The following CERS6 variants were observed in gnomAD, a reference collection of about 807,000 sequenced individuals.
CERS6 encodes ceramide synthase 6.
Under a neutral mutation model 56.8 loss-of-function variants are expected in CERS6, and 26 were observed. The observed-to-expected ratio is 0.46, with a 90% CI of 0.34 to 0.63. The LOEUF is 0.63. CERS6 is among the 30% of genes least tolerant of loss of function. The pLI, the probability that CERS6 is intolerant of heterozygous loss-of-function variation, is 0.01. For synonymous variants in CERS6, 164 were observed against 173.3 expected (o/e 0.95, Z 0.42); for missense variants, 415 against 467.5 (o/e 0.89, Z 1.04).
rs532386648 is a variant in CERS6 at position 168,603,425 on chromosome 2, T to C, written c.408-27560T>C. Among the ~76,000 whole-genome samples, 24 of 152,280 alleles carry C rather than the reference T, an allele frequency of 1.6e-4. 1 individual carries two copies. In the South Asian group the frequency reaches 4.8e-3, roughly 30 times the overall value. On this transcript the variant is annotated intron_variant, in intron 3 of 9. Coordinates refer to ENST00000305747, the MANE Select transcript of CERS6 (RefSeq NM_203463.3). ...ACTACAGAGAATGACTATCAATAGG[T>C]ATGTAGGTAGATGAACATCTGGGCA...
chr2:168,458,797 T>G (rs76919274), intron 1 of CERS6, among the ~76,000 whole-genome samples: 1 of 152,246 alleles, frequency 6.6e-6, no homozygotes, highest in African/African-American at 2.4e-5. Context: ...AGCTCTGTCT[T>G]TAACCATTCA....
intron 3 of CERS6, among the ~76,000 whole-genome samples, chr2:168,614,495 C>G (rs549424503): frequency 1.3e-5 from 2 of 152,288 alleles, no homozygotes; most frequent in African/African-American, 4.8e-5. Flanking sequence ...CCCTGCTTGC[C>G]CACTGCCTGG....
At chr2:168,734,613 C>A (rs921411139) in intron 8 of CERS6, among the ~76,000 whole-genome samples, 1 of 152,178 alleles carries the variant, frequency 6.6e-6, no homozygotes, top group African/African-American at 2.4e-5. Flanking sequence ...TATCAGTAGT[C>A]AACGGTTAAT....
At chr2:168,757,867 A>T (rs577216868) in intron 8 of CERS6, among the ~76,000 whole-genome samples, 1 of 152,340 alleles carries the variant, frequency 6.6e-6, no homozygotes, top group South Asian at 2.1e-4. Flanking sequence ...GGAGAATGTA[A>T]GCTACAGCCG....
intron 3 of CERS6, among the ~76,000 whole-genome samples, chr2:168,575,902 T>C (rs1683252240): frequency 1.3e-5 from 2 of 152,092 alleles, no homozygotes; most frequent in Admixed American, 6.6e-5. Flanking sequence ...AAGACTCAGT[T>C]CACCTTCATT....
intron 3 of CERS6, chr2:168,606,433 AG>A (rs1474318220): frequency 6.6e-6 from 1 of 152,184 alleles, no homozygotes; most frequent in East Asian, 1.9e-4. Flanking sequence ...ATCCTTGTGC[AG>A]GGGCCATGCT....
rs372757348 is a variant in CERS6 at position 168,761,252 on chromosome 2, T to C, written c.846-4340T>C. On this transcript the variant is annotated intron_variant, in intron 8 of 9. Coordinates refer to ENST00000305747, the MANE Select transcript of CERS6 (RefSeq NM_203463.3). The stretch of plus-strand genomic sequence containing the variant: ...AAAATCCCATTACTTTTGAGCAGCA[T>C]CTCAAAAGTAATCAGAGGTGCCACT... Among the ~76,000 whole-genome samples, 7 of 152,280 alleles carry C rather than the reference T, an allele frequency of 4.6e-5. No homozygotes were observed. The East Asian group carries it at 7.7e-4, about 17-fold the overall frequency.
intron 2 of CERS6, among the ~76,000 whole-genome samples, chr2:168,548,841 A>G (rs1272766573): frequency 2.6e-5 from 4 of 152,168 alleles, no homozygotes; most frequent in Non-Finnish European, 5.9e-5. Flanking sequence ...GGTGTTTTTC[A>G]TATCTCTGCT....
chr2:168,683,139 T>C lies in CERS6; in HGVS notation c.466-7895T>C, dbSNP rs113317867. 8.3e-3 allele frequency among the ~76,000 whole-genome samples: 1,271 copies of C among 152,296 alleles called. 17 individuals are homozygous for C. Among genetic ancestry groups the C allele is most frequent in the African/African-American group, 0.028 (1,158 of 41,578 alleles). ...CCTTTATATATGGATCTAGTTAATT[T>C]TTTACAATAAATGCTGGGTCAAAGA... On this transcript the variant is annotated intron_variant, in intron 4 of 9. Transcript: ENST00000305747.
At chr2:168,626,976 A>G (rs944229890) in intron 3 of CERS6, among the ~76,000 whole-genome samples, 5 of 152,118 alleles carry the variant, frequency 3.3e-5, no homozygotes, top group African/African-American at 7.2e-5. Flanking sequence ...GCTTTACTGA[A>G]CAAAATCCCT....
chr2:168,694,378 T>C (rs1385154804), intron 5 of CERS6, among the ~76,000 whole-genome samples: 1 of 152,218 alleles, frequency 6.6e-6, no homozygotes, highest in Non-Finnish European at 1.5e-5. Flanking sequence ...ATATCCTGGC[T>C]GGGTGCCTAG....
At chr2:168,687,978 G>A (rs896442031) in intron 4 of CERS6, among the ~76,000 whole-genome samples, 12 of 152,142 alleles carry the variant, frequency 7.9e-5, no homozygotes, top group Non-Finnish European at 1.8e-4. Flanking sequence ...TGTTGGAATT[G>A]CAGGTGTGAG....
At chr2:168,556,934 C>T (rs867525069) in intron 2 of CERS6, among the ~76,000 whole-genome samples, 5 of 139,598 alleles carry the variant, frequency 3.6e-5, no homozygotes, top group East Asian at 2.1e-4. Flanking sequence ...GTGGGAAGAC[C>T]GCTTGAGTCC....
chr2:168,617,528 A>G (rs570696974), intron 3 of CERS6, among the ~76,000 whole-genome samples: 11 of 152,294 alleles, frequency 7.2e-5, no homozygotes, highest in Admixed American at 7.2e-4. Context: ...AAATAAGTTC[A>G]ATTAGAAATG....
At chr2:168,485,014 G>A (rs1385254855) in intron 1 of CERS6, among the ~76,000 whole-genome samples, 1 of 152,166 alleles carries the variant, frequency 6.6e-6, no homozygotes, top group African/African-American at 2.4e-5. Flanking sequence ...ATGTAGGCAG[G>A]CTCTCATTAG....
chr2:168,767,337 A>G (rs770061486), intron 9 of CERS6, among the ~76,000 whole-genome samples: 1 of 152,242 alleles, frequency 6.6e-6, no homozygotes, highest in African/African-American at 2.4e-5. Context: ...TAACATAAGT[A>G]TAGATTTTTC....
intron 4 of CERS6, among the ~76,000 whole-genome samples, chr2:168,686,676 A>C (rs1393578406): frequency 6.6e-6 from 1 of 152,078 alleles, no homozygotes; most frequent in African/African-American, 2.4e-5. Flanking sequence ...TTCATTACTC[A>C]TTCTTCGTCA....
At chr2:168,537,012 A>G (rs570004569) in intron 1 of CERS6, among the ~76,000 whole-genome samples, 4 of 152,326 alleles carry the variant, frequency 2.6e-5, no homozygotes, top group South Asian at 2.1e-4. Context: ...TGCTTTGTCC[A>G]TAGTTCTCTT....
rs191354682 is a variant in CERS6, at chr2:168,725,968, C to T, written c.845+7990C>T. Among the ~76,000 whole-genome samples the T allele has an allele frequency of 5.9e-5, 9 of 152,338 alleles. No individual in the cohort carries two copies. The East Asian group carries it at 1.7e-3, about 29-fold the overall frequency. The stretch of plus-strand genomic sequence containing the variant: ...AATTTTCATTGATCTGCATCTCTCT[C>T]TCTTATAGTCCACTTATGTGTAATC... On this transcript the variant is annotated intron_variant, in intron 8 of 9. Coordinates refer to ENST00000305747, the MANE Select transcript of CERS6 (RefSeq NM_203463.3).
Sources: gnomAD v4.1 joint callset for allele counts (sites outside exome capture counted in the v4.1 genomes callset) on GRCh38, gnomAD v4.1.1 for gene constraint, MANE v1.5 for transcripts, NCBI Gene and HGNC (gene_info 2026-07-23, HGNC 2026-07-21) for gene names.